MYDGF: variants seen among roughly 807,000 people sequenced by gnomAD.
The protein encoded by MYDGF is myeloid-derived growth factor.
MYDGF carries 29 observed loss-of-function variants against 24.2 expected under a neutral mutation model. That is an observed-to-expected ratio of 1.20 (90% CI 0.89 to 1.63). The LOEUF (loss-of-function observed/expected upper bound fraction) is 1.63. Among genes scored for constraint, MYDGF ranks in the 40% most tolerant of loss-of-function variants. The pLI is 0.00. For missense variants in MYDGF, 245 were observed against 234.8 expected (o/e 1.04, Z -0.29); for synonymous variants, 105 against 102.5 (o/e 1.02, Z -0.15).
intron 5 of MYDGF, among the ~76,000 whole-genome samples, 159 bp from the exon 6 acceptor site, chr19:4,658,243 G>A (rs984710934): frequency 7.2e-5 from 11 of 152,192 alleles, no homozygotes; most frequent in Non-Finnish European, 1.0e-4. Flanking sequence ...AAAGTCTTAC[G>A]GGTGACAGAC....
chr19:4,661,725 G>A (rs2088472541), intron 3 of MYDGF, among the ~76,000 whole-genome samples: 1 of 152,086 alleles, frequency 6.6e-6, no homozygotes, highest in African/African-American at 2.4e-5. Context: ...TCTTCTTTAA[G>A]CCCTAGCACT....
chr19:4,663,238 C>T (rs1266205084), intron 3 of MYDGF, among the ~76,000 whole-genome samples: 3 of 133,536 alleles, frequency 2.2e-5, no homozygotes, highest in Admixed American at 1.5e-4. Flanking sequence ...TCCAATCTAC[C>T]CTCCCCACCC....
At chr19:4,670,099 G>T (rs2088553522) in intron 1 of MYDGF, 62 bp downstream of exon 1, 18 of 1,335,148 alleles carry the variant, frequency 1.3e-5, no homozygotes, top group Non-Finnish European at 1.7e-5. Flanking sequence ...CGCCCCCAAT[G>T]CTCCGCGCCC....
chr19:4,667,121 C>CTTTTTTTTTTT (rs57093750), intron 2 of MYDGF, among the ~76,000 whole-genome samples: 3 of 102,170 alleles, frequency 2.9e-5, no homozygotes, highest in Non-Finnish European at 5.3e-5. Context: ...TCAAATCACC[C>CTTTTTTTTTTT]TTTTTTTTTT....
At chr19:4,669,332 T>C (rs2088545024) in intron 1 of MYDGF, among the ~76,000 whole-genome samples, 1 of 152,124 alleles carries the variant, frequency 6.6e-6, no homozygotes, top group Non-Finnish European at 1.5e-5. Context: ...AGATTAGTAG[T>C]CCCAGCTACT....
intron 2 of MYDGF, among the ~76,000 whole-genome samples, chr19:4,665,154 G>A (rs1435748489): frequency 1.3e-5 from 2 of 152,220 alleles, no homozygotes; most frequent in East Asian, 3.9e-4. Context: ...CATAAAAGTG[G>A]TGCCTCTAAT....
chr19:4,659,683 A>G (rs1446506330), intron 5 of MYDGF: 3 of 539,636 alleles, frequency 5.6e-6, no homozygotes, highest in Non-Finnish European at 9.9e-6. Context: ...CTAGTGGCAC[A>G]CAGCCACACC....
intron 3 of MYDGF, among the ~76,000 whole-genome samples, chr19:4,664,173 A>G (rs1286423509): frequency 6.6e-6 from 1 of 151,964 alleles, no homozygotes; most frequent in Non-Finnish European, 1.5e-5. Flanking sequence ...ATGTGCTGGG[A>G]AGGAGAATGA....
At chr19:4,668,373 C>T (rs889701847) in intron 2 of MYDGF, among the ~76,000 whole-genome samples, 5 of 152,212 alleles carry the variant, frequency 3.3e-5, no homozygotes, top group African/African-American at 1.2e-4. Context: ...ATCTCCCCTC[C>T]CTCCTTCTGT....
chr19:4,660,408 G>A (rs905143024), intron 4 of MYDGF, among the ~76,000 whole-genome samples: 5 of 152,108 alleles, frequency 3.3e-5, no homozygotes, highest in African/African-American at 1.2e-4. Flanking sequence ...GATTACTGGC[G>A]TGAACCGCCG....
At chr19:4,669,721 G>A (rs554363986) in intron 1 of MYDGF, among the ~76,000 whole-genome samples, 97 of 152,262 alleles carry the variant, frequency 6.4e-4, no homozygotes, top group Middle Eastern at 3.4e-3. Flanking sequence ...CCCTCGGTGA[G>A]GGGGGACCTT....
At chr19:4,667,002 T>C (rs1215063486) in intron 2 of MYDGF, among the ~76,000 whole-genome samples, 3 of 152,258 alleles carry the variant, frequency 2.0e-5, no homozygotes, top group African/African-American at 7.2e-5. Flanking sequence ...GACTGAAGTC[T>C]TCATTTCCTT....
At chr19:4,668,551 T>A in intron 2 of MYDGF, 44 bp downstream of exon 2, 1 of 1,549,510 alleles carries the variant, frequency 6.5e-7, no homozygotes. Context: ...CCTACAACAA[T>A]GGATACTGTC....
chr19:4,660,066 T>C (rs2088458464), intron 4 of MYDGF, 63 bp from the exon 5 acceptor site: 16 of 1,450,256 alleles, frequency 1.1e-5, no homozygotes, highest in Non-Finnish European at 1.4e-5. Flanking sequence ...AGGAAAACGA[T>C]TGAGTTTGCT....
intron 2 of MYDGF, among the ~76,000 whole-genome samples, chr19:4,667,959 G>A (rs1233346624): frequency 2.0e-5 from 3 of 152,016 alleles, no homozygotes; most frequent in South Asian, 2.1e-4. Context: ...ACAGAGTCTC[G>A]CTCTGTTGCC....
At position 4,670,200 on chromosome 19, in the gene MYDGF, G is replaced by C; in HGVS notation, c.135C>G (p.Gly45=). The C allele has an allele frequency of 6.4e-7, 1 of 1,559,278 alleles. No homozygotes were observed. Among genetic ancestry groups the C allele is most frequent in the Non-Finnish European group, 8.7e-7 (1 of 1,155,936 alleles). ...PTTVAFDVRP[G]GVVHSFSHNV... is the part of the protein sequence containing the mutation. The stretch of plus-strand genomic sequence containing the variant: ...TATGGGAGAAGGAATGCACGACGCC[G>C]CCGGGCCGCACGTCAAACGCCACCG... The change falls in exon 1 of 6, where the codon GGC becomes GGG. Residue 45 remains glycine (G), a synonymous_variant. Transcript: ENST00000262947.
intron 1 of MYDGF, among the ~76,000 whole-genome samples, chr19:4,669,807 G>A (rs1312071886): frequency 6.6e-6 from 1 of 152,094 alleles, no homozygotes; most frequent in Non-Finnish European, 1.5e-5. Context: ...CAGGAGGGCA[G>A]ATGCCCTTTA....
intron 4 of MYDGF, 147 bp downstream of exon 4, chr19:4,660,522 T>C: frequency 1.4e-6 from 1 of 696,072 alleles, no homozygotes; most frequent in Non-Finnish European, 2.4e-6. Context: ...TGTGCCAGGT[T>C]CCTGCAAGTT....
In MYDGF at chr19:4,660,658, A is replaced by C; in HGVS notation, c.369+11T>G. The C allele has an allele frequency of 6.2e-7, 1 of 1,612,930 alleles. No individual in the cohort carries two copies. Among genetic ancestry groups the C allele is most frequent in the African/African-American group, 1.3e-5 (1 of 75,016 alleles). Reference sequence around the variant, plus strand: ...CCACACCCGGAGCCTGCCCCACTCCAAGATACTCACGTAGGCCATGGCGTA... The same window carrying C: ...CCACACCCGGAGCCTGCCCCACTCCCAGATACTCACGTAGGCCATGGCGTA... On this transcript the variant is annotated intron_variant, in intron 4 of 5. Transcript: ENST00000262947.
Sources: gnomAD v4.1 joint callset for allele counts (sites outside exome capture counted in the v4.1 genomes callset) on GRCh38, gnomAD v4.1.1 for gene constraint, MANE v1.5 for transcripts, NCBI Gene and HGNC (gene_info 2026-07-23, HGNC 2026-07-21) for gene names.